Variants in PRKG1 observed in about 807,000 individuals in gnomAD.
PRKG1 encodes the protein cGMP-dependent protein kinase 1.
In PRKG1, 35 loss-of-function variants were observed where a neutral mutation model predicts 88.1. That is an observed-to-expected ratio of 0.40 (90% confidence interval 0.30 to 0.53). The LOEUF (loss-of-function observed/expected upper bound fraction) is 0.53, where lower values mean the gene tolerates loss of function less well. Among genes scored for constraint, PRKG1 ranks in the 20% least tolerant of loss-of-function variants. The pLI is 0.59. For missense variants in PRKG1, 540 were observed against 839.8 expected, an observed-to-expected ratio of 0.64 and a Z score of 4.41; for synonymous variants, 303 against 292.5, an observed-to-expected ratio of 1.04 and a Z score of -0.37.
intron 3 of PRKG1, among the ~76,000 whole-genome samples, chr10:51,773,796 C>T (rs1308834565): frequency 6.6e-6 from 1 of 151,970 alleles, no homozygotes; most frequent in Admixed American, 6.6e-5. Context: ...ACATTTGATG[C>T]TTTAAGGCTT....
intron 1 of PRKG1, among the ~76,000 whole-genome samples, chr10:51,124,938 T>C (rs1301091975): frequency 1.3e-5 from 2 of 152,210 alleles, no homozygotes; most frequent in Non-Finnish European, 2.9e-5. Context: ...TGACCTGCAA[T>C]GTTCTAAGTG....
At chr10:51,242,926 C>T (rs1024174780) in intron 2 of PRKG1, among the ~76,000 whole-genome samples, 1 of 152,124 alleles carries the variant, frequency 6.6e-6, no homozygotes, top group Non-Finnish European at 1.5e-5. Context: ...TTTAATTTCT[C>T]TCTTGGAAAA....
rs190642766 is a variant in PRKG1, at chr10:51,538,028, G to A, written c.592+70192G>A. Among the ~76,000 whole-genome samples the A allele has an allele frequency of 2.7e-3, 418 of 152,204 alleles. 3 individuals are homozygous for A. Among genetic ancestry groups the A allele is most frequent in the African/African-American group, 9.7e-3 (404 of 41,528 alleles). Reference sequence around the variant, plus strand: ...AATGAGATAACTCAATATCAGACAGGTTAAATTATGTATCTACTAGTAAAC... The same window carrying A: ...AATGAGATAACTCAATATCAGACAGATTAAATTATGTATCTACTAGTAAAC... On this transcript the variant is annotated intron_variant, in intron 3 of 17. Coordinates refer to ENST00000373980, the MANE Select transcript of PRKG1 (RefSeq NM_006258.4).
At chr10:51,157,046 TTACA>T (rs1450429346) in intron 2 of PRKG1, among the ~76,000 whole-genome samples, 1 of 151,974 alleles carries the variant, frequency 6.6e-6, no homozygotes, top group African/African-American at 2.4e-5. Context: ...AACATGTGCC[TTACA>T]TATTTTTTTT....
intron 2 of PRKG1, chr10:51,245,032 C>G (rs560275628): frequency 7.2e-5 from 11 of 152,106 alleles, no homozygotes; most frequent in Non-Finnish European, 1.0e-4. Context: ...TTTACTGCCC[C>G]TGATTCACAG....
intron 9 of PRKG1, among the ~76,000 whole-genome samples, chr10:52,197,601 T>A (rs28502361): frequency 0.014 from 2,135 of 152,282 alleles, 52 homozygotes; most frequent in African/African-American, 0.049. Flanking sequence ...TCCCACATGG[T>A]TAGTCTGTTT....
intron 5 of PRKG1, among the ~76,000 whole-genome samples, chr10:51,993,121 T>C (rs1222435856): frequency 6.6e-6 from 1 of 152,222 alleles, no homozygotes; most frequent in Non-Finnish European, 1.5e-5. Flanking sequence ...AGTAACTAGT[T>C]TGTAAAACTT....
At chr10:51,600,087 G>A (rs1838558575) in intron 3 of PRKG1, among the ~76,000 whole-genome samples, 1 of 152,116 alleles carries the variant, frequency 6.6e-6, no homozygotes, top group South Asian at 2.1e-4. Flanking sequence ...ACTCAGATTT[G>A]AGCTGTTTTT....
At chr10:52,037,443 G>A (rs1389292192) in intron 5 of PRKG1, among the ~76,000 whole-genome samples, 1 of 152,244 alleles carries the variant, frequency 6.6e-6, no homozygotes, top group African/African-American at 2.4e-5. Flanking sequence ...TTTATTTAAT[G>A]TCTGGAGCAG....
chr10:51,105,358 T>A (rs1346091612), intron 1 of PRKG1, among the ~76,000 whole-genome samples: 1 of 152,206 alleles, frequency 6.6e-6, no homozygotes, highest in African/African-American at 2.4e-5. Flanking sequence ...AGTGTAATTT[T>A]AAAAATCTCT....
intron 8 of PRKG1, among the ~76,000 whole-genome samples, chr10:52,148,547 G>A (rs1198685291): frequency 6.6e-6 from 1 of 152,118 alleles, no homozygotes; most frequent in Non-Finnish European, 1.5e-5. Context: ...ACACAATTTG[G>A]GAAACCATTT....
In PRKG1 at chr10:52,293,993, C is replaced by T; in HGVS notation, c.*93C>T. 3.9e-6 allele frequency: 4 copies of T among 1,037,392 alleles called. No homozygotes were observed. In the South Asian group the frequency reaches 4.3e-5, roughly 11 times the overall value. 64.3% of individuals were successfully genotyped at this position (1,037,392 alleles called of 1,614,324 possible). ...CTGAGGGAAAGAGAGAAGATTAGTG[C>T]TCGGGGTCACCATGATGCCTTTGAT... On this transcript the variant is annotated 3_prime_UTR_variant, in exon 18 of 18. Coordinates refer to ENST00000373980, the MANE Select transcript of PRKG1 (RefSeq NM_006258.4).
intron 3 of PRKG1, among the ~76,000 whole-genome samples, chr10:51,580,220 A>G (rs1453474694): frequency 6.6e-6 from 1 of 152,144 alleles, no homozygotes; most frequent in African/African-American, 2.4e-5. Context: ...ATGTGTATAT[A>G]TAGTTTGTTA....
chr10:50,991,425 AG>A lies in PRKG1; in HGVS notation c.49del (p.Glu17ArgfsTer20). 1 of 1,584,012 alleles carries A rather than the reference AG, an allele frequency of 6.3e-7. No individual in the cohort carries two copies. Among genetic ancestry groups the A allele is most frequent in the Non-Finnish European group, 8.6e-7 (1 of 1,165,822 alleles). ...TTTGCCAAGATTCTCATGCTCAAGG[AG>A]GAGAGGATCAAAGAGCTGGAGAAGC... On this transcript the variant is annotated frameshift_variant, in exon 1 of 18. Coordinates refer to the PRKG1 transcript ENST00000401604. LOFTEE classifies it high-confidence loss of function. The surrounding 1 kb of genome is among the most constrained non-coding windows in gnomAD (Gnocchi z 4.5).
At chr10:51,008,662 G>A (rs1003092612) in intron 1 of PRKG1, among the ~76,000 whole-genome samples, 4 of 152,100 alleles carry the variant, frequency 2.6e-5, no homozygotes, top group Non-Finnish European at 5.9e-5. Context: ...CCAATATGAT[G>A]TCGTCTTGAT....
intron 9 of PRKG1, among the ~76,000 whole-genome samples, chr10:52,215,738 A>G (rs1840094644): frequency 1.3e-5 from 2 of 152,306 alleles, no homozygotes; most frequent in South Asian, 4.1e-4. Context: ...TATAATAGTA[A>G]TGTTAGAAAC....
intron 5 of PRKG1, among the ~76,000 whole-genome samples, chr10:52,045,124 G>C (rs1845832382): frequency 6.6e-6 from 1 of 151,930 alleles, no homozygotes; most frequent in African/African-American, 2.4e-5. Context: ...ATCCATGTGG[G>C]AGCTAGTAAG....
intron 2 of PRKG1, among the ~76,000 whole-genome samples, chr10:51,313,787 A>C (rs1329772190): frequency 6.6e-6 from 1 of 152,182 alleles, no homozygotes; most frequent in East Asian, 1.9e-4. Context: ...TATACCTTAA[A>C]TCATCTCTAG....
chr10:52,211,386 C>T (rs1275308277), intron 9 of PRKG1, among the ~76,000 whole-genome samples: 1 of 152,058 alleles, frequency 6.6e-6, no homozygotes, highest in Admixed American at 6.6e-5. Flanking sequence ...CATTTTTGCC[C>T]TTAAAAAGGT....
Sources: gnomAD v4.1 joint callset for allele counts (sites outside exome capture counted in the v4.1 genomes callset) on GRCh38, gnomAD v4.1.1 for gene constraint, Gnocchi (gnomAD v3.1) non-coding constraint, MANE v1.5 for transcripts, NCBI Gene and HGNC (gene_info 2026-07-23, HGNC 2026-07-21) for gene names.